SYNPR: variants seen among roughly 807,000 people sequenced by gnomAD.
The protein encoded by SYNPR is synaptoporin.
SYNPR carries 23 observed loss-of-function variants against 32.9 expected under a neutral mutation model. The observed-to-expected ratio is 0.70, with a 90% CI of 0.50 to 0.99. SYNPR has a LOEUF of 0.99. SYNPR is among the 50% of genes least tolerant of loss of function. The pLI is 0.00. For synonymous variants in SYNPR, 146 were observed against 135.9 expected, an observed-to-expected ratio of 1.07 and a Z score of -0.52; for missense variants, 318 against 349.3, an observed-to-expected ratio of 0.91 and a Z score of 0.71.
intron 3 of SYNPR, among the ~76,000 whole-genome samples, chr3:63,543,987 T>C (rs1292030544): frequency 6.6e-6 from 1 of 151,684 alleles, no homozygotes; most frequent in Non-Finnish European, 1.5e-5. Context: ...AGCAAAGGAG[T>C]GGCCATGATC....
At chr3:63,209,689 T>C in the SYNPR span, among the ~76,000 whole-genome samples, 5 of 152,246 alleles carry the variant, frequency 3.3e-5, no homozygotes, top group African/African-American at 1.2e-4. Context: ...CGTTAATTTT[T>C]CCTTAACCCT....
chr3:63,504,105 T>C (rs1701539338), intron 3 of SYNPR, among the ~76,000 whole-genome samples: 1 of 152,182 alleles, frequency 6.6e-6, no homozygotes, highest in Non-Finnish European at 1.5e-5. Context: ...TGAGTTATTT[T>C]ATATTAATTG....
At chr3:63,498,451 G>A (rs1701413612) in intron 3 of SYNPR, among the ~76,000 whole-genome samples, 1 of 152,112 alleles carries the variant, frequency 6.6e-6, no homozygotes, top group Admixed American at 6.6e-5. Flanking sequence ...AAGAGACCAA[G>A]ACTGTGTCAG....
At chr3:63,516,268 A>T (rs965091915) in intron 3 of SYNPR, among the ~76,000 whole-genome samples, 24 of 152,008 alleles carry the variant, frequency 1.6e-4, no homozygotes, top group African/African-American at 5.6e-4. Flanking sequence ...ATCTTTGCTT[A>T]TCTTGGGCAA....
intron 2 of SYNPR, among the ~76,000 whole-genome samples, chr3:63,256,539 A>G (rs2086385411): frequency 6.6e-6 from 1 of 152,238 alleles, no homozygotes; most frequent in African/African-American, 2.4e-5. Context: ...TAACAAACAG[A>G]AAGGACATCC....
chr3:63,291,438 G>A (rs1308685818), intron 2 of SYNPR, among the ~76,000 whole-genome samples: 2 of 152,150 alleles, frequency 1.3e-5, no homozygotes, highest in African/African-American at 2.4e-5. Context: ...GAAAATTAAA[G>A]CTCAGATATC....
At chr3:63,557,160 C>T (rs1702609397) in intron 4 of SYNPR, among the ~76,000 whole-genome samples, 1 of 152,148 alleles carries the variant, frequency 6.6e-6, no homozygotes, top group Non-Finnish European at 1.5e-5. Flanking sequence ...CCTTACCCTA[C>T]ACCTCACTTT....
chr3:63,398,705 C>T (rs553229323), intron 2 of SYNPR, among the ~76,000 whole-genome samples: 7 of 147,302 alleles, frequency 4.8e-5, no homozygotes, highest in South Asian at 4.4e-4. Context: ...GAAGACAGAG[C>T]GAGACTCCGT....
At chr3:63,420,058 T>C (rs1485391704) in intron 2 of SYNPR, among the ~76,000 whole-genome samples, 1 of 152,198 alleles carries the variant, frequency 6.6e-6, no homozygotes, top group Non-Finnish European at 1.5e-5. Context: ...ATGTTATTTA[T>C]GCATTGAAAA....
At chr3:63,513,258 C>CT (rs965733003) in intron 3 of SYNPR, among the ~76,000 whole-genome samples, 17 of 149,194 alleles carry the variant, frequency 1.1e-4, no homozygotes, top group Non-Finnish European at 2.2e-4. Flanking sequence ...ACTGTGTTGC[C>CT]CAGGCTGGTC....
At position 63,615,486 on chromosome 3, in the gene SYNPR, G is replaced by T; in HGVS notation, c.*5G>T. 6.2e-7 allele frequency: 1 copy of T among 1,609,992 alleles called. No individual in the cohort carries two copies. The highest frequency in any genetic ancestry group is 8.5e-7 in the Non-Finnish European group (1 of 1,177,284). ...TCCTTTACCAATCAGATTTAACAGA[G>T]TAGCATTTGCATTCTTCTGCAGTCG... is the stretch of plus-strand genomic sequence containing the variant. On this transcript the variant is annotated 3_prime_UTR_variant, in exon 6 of 6. Coordinates refer to ENST00000478300, the MANE Select transcript of SYNPR (RefSeq NM_001130003.2).
intron 1 of SYNPR, among the ~76,000 whole-genome samples, chr3:63,241,362 G>C (rs1248484777): frequency 6.6e-6 from 1 of 152,108 alleles, no homozygotes; most frequent in Non-Finnish European, 1.5e-5. Context: ...ATATTGTTCA[G>C]TTGTTGGGCA....
chr3:63,224,615 G>GTA (rs1163865766), upstream of SYNPR, among the ~76,000 whole-genome samples: 1 of 152,216 alleles, frequency 6.6e-6, no homozygotes, highest in Non-Finnish European at 1.5e-5. Flanking sequence ...TTTGTCCAGA[G>GTA]TGGCCATAGC....
intron 3 of SYNPR, among the ~76,000 whole-genome samples, chr3:63,541,223 C>A (rs1026228349): frequency 7.3e-5 from 11 of 151,196 alleles, no homozygotes; most frequent in African/African-American, 2.7e-4. Flanking sequence ...CAGTGTACTG[C>A]CAATTCTTTT....
chr3:63,376,232 T>C (rs1041559239), intron 2 of SYNPR, among the ~76,000 whole-genome samples: 23 of 152,236 alleles, frequency 1.5e-4, no homozygotes, highest in African/African-American at 3.6e-4. Flanking sequence ...ATTTTGCTTT[T>C]AAACTTCTGG....
chr3:63,261,336 A>G (rs1396119854), intron 2 of SYNPR, among the ~76,000 whole-genome samples: 1 of 152,074 alleles, frequency 6.6e-6, no homozygotes, highest in Non-Finnish European at 1.5e-5. Context: ...ACAATGATAG[A>G]CAGGATTAAG....
At chr3:63,319,356 G>A (rs1450466107) in intron 2 of SYNPR, among the ~76,000 whole-genome samples, 1 of 151,994 alleles carries the variant, frequency 6.6e-6, no homozygotes, top group Non-Finnish European at 1.5e-5. Flanking sequence ...GTCAGGTAAT[G>A]TGATGTCTCT....
At chr3:63,316,351 A>C (rs1269297078) in intron 2 of SYNPR, among the ~76,000 whole-genome samples, 2 of 151,902 alleles carry the variant, frequency 1.3e-5, no homozygotes, top group African/African-American at 4.8e-5. Flanking sequence ...TCTGCTGTGA[A>C]TCCATCTGGT....
At chr3:63,511,762 A>T (rs920715717) in intron 3 of SYNPR, among the ~76,000 whole-genome samples, 1 of 152,172 alleles carries the variant, frequency 6.6e-6, no homozygotes, top group African/African-American at 2.4e-5. Context: ...CTCGTGCACT[A>T]CTTAAAAGCA....
Sources: allele counts gnomAD v4.1 joint callset (sites outside exome capture counted in the v4.1 genomes callset), GRCh38; gene constraint gnomAD v4.1.1; transcripts MANE v1.5; gene names NCBI Gene and HGNC (gene_info 2026-07-23, HGNC 2026-07-21).